The following ABCA4 variants were observed in gnomAD, a reference collection of about 807,000 sequenced individuals.
ABCA4 encodes the protein retinal-specific phospholipid-transporting ATPase ABCA4.
Under a neutral mutation model 263.7 loss-of-function variants are expected in ABCA4, and 196 were observed. That is an observed-to-expected ratio of 0.74 (90% CI 0.66 to 0.84). The LOEUF (loss-of-function observed/expected upper bound fraction) is 0.84. Among genes scored for constraint, ABCA4 ranks in the 40% least tolerant of loss-of-function variants. The pLI is 0.00. For synonymous variants in ABCA4, 1,133 were observed against 1,094.2 expected, an observed-to-expected ratio of 1.04 and a Z score of -0.70; for missense variants, 2,792 against 2,855.1, an observed-to-expected ratio of 0.98 and a Z score of 0.50.
chr1:94,083,915 T>C (rs1424164825), intron 6 of ABCA4, among the ~76,000 whole-genome samples: 1 of 152,228 alleles, frequency 6.6e-6, no homozygotes, highest in East Asian at 1.9e-4. Flanking sequence ...TCTTCCTCCA[T>C]TCAACACTGC....
intron 26 of ABCA4, among the ~76,000 whole-genome samples, chr1:94,035,747 C>T (rs556500135): frequency 1.8e-4 from 28 of 152,282 alleles, no homozygotes; most frequent in Admixed American, 2.6e-4. Flanking sequence ...GTGGACACCT[C>T]GTGTTCTATC....
intron 7 of ABCA4, among the ~76,000 whole-genome samples, chr1:94,082,619 G>A (rs182420674): frequency 3.5e-4 from 54 of 152,306 alleles, no homozygotes; most frequent in African/African-American, 1.3e-3. Context: ...CCAGGTTGGT[G>A]GAGCCCAAGT....
chr1:94,014,168 G>A (rs1053467221), intron 38 of ABCA4, among the ~76,000 whole-genome samples: 2 of 151,884 alleles, frequency 1.3e-5, no homozygotes, highest in East Asian at 3.9e-4. Context: ...AATGAAAAAG[G>A]TGCTTATAGG....
intron 36 of ABCA4, among the ~76,000 whole-genome samples, chr1:94,017,773 T>C (rs1659779544): frequency 6.6e-6 from 1 of 152,176 alleles, no homozygotes; most frequent in Admixed American, 6.5e-5. Context: ...GGCATCTTGC[T>C]GAGAAGTTAC....
intron 1 of ABCA4, among the ~76,000 whole-genome samples, chr1:94,114,895 G>A (rs546081307): frequency 1.1e-4 from 16 of 152,320 alleles, no homozygotes; most frequent in African/African-American, 2.2e-4. Context: ...CTCATCTGTC[G>A]TTGTCACTAC....
rs779572379 is a variant in ABCA4, at chr1:94,021,893, G to A, written c.4726C>T (p.Leu1576Phe). ...CCAAGGTCGCTTAAAAACCCAACAA[G>A]TGCTTCCCCCGTGATGGGGACGACT... is the stretch of plus-strand genomic sequence containing the variant. ...LPVVPITGEA[L>F]VGFLSDLGRI... is the part of the protein sequence containing the mutation. Residue 1576 changes from leucine (L) to phenylalanine (F), a missense_variant, in exon 33 of 50, where the codon CTT (leucine) becomes TTT (phenylalanine). Physicochemically the swap from Leu to Phe is conservative, Grantham distance 22. Transcript: ENST00000370225. The A allele has an allele frequency of 2.0e-5, 32 of 1,614,008 alleles. No homozygotes were observed. Among genetic ancestry groups the A allele is most frequent in the Non-Finnish European group, 2.5e-5 (30 of 1,180,036 alleles).
chr1:94,019,451 C>T (rs1659831706), intron 36 of ABCA4, 131 bp downstream of exon 36: 11 of 1,048,072 alleles, frequency 1.0e-5, no homozygotes, highest in Non-Finnish European at 1.4e-5. Context: ...ACACAAGGCC[C>T]TTGGCCCAGT....
chr1:94,092,458 C>T (rs374367213), intron 6 of ABCA4, among the ~76,000 whole-genome samples: 8 of 152,128 alleles, frequency 5.3e-5, no homozygotes, highest in Admixed American at 1.3e-4. Flanking sequence ...AGGGAGGAAG[C>T]GGGCTTCAGT....
chr1:94,100,531 G>A (rs1432906279), intron 5 of ABCA4, among the ~76,000 whole-genome samples: 1 of 152,174 alleles, frequency 6.6e-6, no homozygotes, highest in Non-Finnish European at 1.5e-5. Flanking sequence ...TAGGGAAGAG[G>A]GAGAAGGCAG....
chr1:94,013,187 G>C (rs1287114145), intron 38 of ABCA4, among the ~76,000 whole-genome samples: 3 of 151,460 alleles, frequency 2.0e-5, no homozygotes, highest in Non-Finnish European at 4.4e-5. Flanking sequence ...AGTCACCTGG[G>C]TGCTCTGGCC....
In ABCA4 at chr1:94,021,279, G is replaced by A. The variant is rs886044746; in HGVS notation, c.4979C>T (p.Pro1660Leu). The A allele has an allele frequency of 1.2e-6, 2 of 1,614,186 alleles. No homozygotes were observed. Among genetic ancestry groups the A allele is most frequent in the South Asian group, 1.1e-5 (1 of 91,082 alleles). Residue 1660 changes from proline to leucine, a missense_variant, in exon 35 of 50, where the codon CCC (proline) becomes CTC (leucine). Coordinates refer to ENST00000370225, the MANE Select transcript of ABCA4 (RefSeq NM_000350.3). ...EEYGITVISQ[P>L]LNLTKEQLSE... ...GAGCTGCTCCTTGGTCAGGTTCAGG[G>A]GTTGGCTAATGACGGTGATTCCATA...
chr1:93,997,477 A>C (rs1014658173), intron 48 of ABCA4, among the ~76,000 whole-genome samples: 1 of 149,132 alleles, frequency 6.7e-6, no homozygotes, highest in African/African-American at 2.5e-5. Flanking sequence ...ACTTTGTTAC[A>C]TGGGCCTGTC....
Position 94,021,379 on chromosome 1 carries a change from G to A in ABCA4, c.4879C>T (p.Leu1627=). ...VWFNNKGWHA[L]VSFLNVAHNA... is the part of the protein sequence containing the mutation. ...TGGGCCACATTGAGAAAGCTGACCA[G>A]GGCATGCCAGCCTTTGTTATTAAAC... Residue 1627 remains leucine, a synonymous_variant, in exon 35 of 50, where the codon CTG becomes TTG. Coordinates refer to ENST00000370225, the MANE Select transcript of ABCA4 (RefSeq NM_000350.3). 1 of 1,614,230 alleles carries A rather than the reference G, an allele frequency of 6.2e-7. No homozygotes were observed. Among genetic ancestry groups the A allele is most frequent in the Non-Finnish European group, 8.5e-7 (1 of 1,180,042 alleles).
rs751595372 is a variant in ABCA4, at chr1:94,041,217, C to T, written c.3514G>A (p.Gly1172Ser). ...KMKNIQSQRK[G>S]SEGTCSCSSK... is the part of the protein sequence containing the mutation. ...CCTGGGCAGACACCTACCTCACTGC[C>T]TTTCCTTTGGCTCTGGATGTTTTTC... The change falls in exon 23 of 50, where the codon GGC (glycine) becomes AGC (serine). Residue 1172 changes from glycine (G) to serine (S), a missense_variant. Gly to Ser is a moderately conservative substitution (Grantham distance 56). Transcript: ENST00000370225. The T allele has an allele frequency of 1.2e-6, 2 of 1,614,168 alleles. No homozygotes were observed. Among genetic ancestry groups the T allele is most frequent in the Non-Finnish European group, 1.7e-6 (2 of 1,180,034 alleles).
At chr1:94,014,167 G>A (rs1257737081) in intron 38 of ABCA4, among the ~76,000 whole-genome samples, 1 of 151,622 alleles carries the variant, frequency 6.6e-6, no homozygotes, top group Non-Finnish European at 1.5e-5. Flanking sequence ...AAATGAAAAA[G>A]GTGCTTATAG....
chr1:94,061,755 AC>A (rs1229504066), intron 13 of ABCA4, among the ~76,000 whole-genome samples: 1 of 152,148 alleles, frequency 6.6e-6, no homozygotes, highest in African/African-American at 2.4e-5. Flanking sequence ...TATTGTCCGA[AC>A]CCAAACTAAC....
intron 23 of ABCA4, among the ~76,000 whole-genome samples, chr1:94,040,764 G>A (rs77573106): frequency 0.026 from 4,022 of 152,250 alleles, 195 homozygotes; most frequent in African/African-American, 0.091. Flanking sequence ...AGTGGTCTCT[G>A]CTGGTTGGTA....
At chr1:94,058,918 C>A (rs1043965837) in intron 14 of ABCA4, among the ~76,000 whole-genome samples, 3 of 152,072 alleles carry the variant, frequency 2.0e-5, no homozygotes, top group Admixed American at 6.6e-5. Flanking sequence ...GAGGAAGAGA[C>A]AAGGGAAAGG....
At chr1:94,048,300 G>A (rs971741446) in intron 18 of ABCA4, among the ~76,000 whole-genome samples, 2 of 131,546 alleles carry the variant, frequency 1.5e-5, no homozygotes, top group African/African-American at 5.0e-5. Flanking sequence ...ACTAGTTTAA[G>A]AGAGAAGATG....
Sources: allele counts gnomAD v4.1 joint callset (sites outside exome capture counted in the v4.1 genomes callset), GRCh38; gene constraint gnomAD v4.1.1; transcripts MANE v1.5; gene names NCBI Gene and HGNC (gene_info 2026-07-23, HGNC 2026-07-21).